Variants in SLC67A2 observed in about 807,000 individuals in gnomAD.
SLC67A2 encodes the protein solute carrier family 67 member A2.
chr2:102,736,428 G>C, the SLC67A2 span: 1 of 1,303,228 alleles, frequency 7.7e-7, no homozygotes, highest in South Asian at 1.5e-5. Context: ...CGCGAACGGG[G>C]TGCAAGAGAA....
the SLC67A2 span, among the ~76,000 whole-genome samples, chr2:102,727,578 G>A: frequency 2.2e-4 from 34 of 152,032 alleles, no homozygotes; most frequent in South Asian, 4.6e-3. Context: ...TTAGATTTTT[G>A]CTCTTTAAAA....
At chr2:102,718,814 C>T in the SLC67A2 span, 93 of 1,613,718 alleles carry the variant, frequency 5.8e-5, no homozygotes, top group Non-Finnish European at 7.3e-5. Flanking sequence ...CTTGTACAGC[C>T]GTAGGATTGG....
the SLC67A2 span, chr2:102,719,258 T>C: frequency 1.3e-6 from 2 of 1,548,350 alleles, no homozygotes; most frequent in South Asian, 1.2e-5. Flanking sequence ...ACTGAATCCA[T>C]ACACTACCTC....
chr2:102,727,063 A>T, the SLC67A2 span: 2 of 1,432,840 alleles, frequency 1.4e-6, no homozygotes, highest in Non-Finnish European at 1.9e-6. Flanking sequence ...CCAGGGGAAA[A>T]CAATGGAAGA....
chr2:102,725,489 A>G, the SLC67A2 span, among the ~76,000 whole-genome samples: 2 of 152,218 alleles, frequency 1.3e-5, no homozygotes, highest in African/African-American at 4.8e-5. Flanking sequence ...CTGCTTCTTT[A>G]GAATTATGAA....
the SLC67A2 span, among the ~76,000 whole-genome samples, chr2:102,725,737 G>C: frequency 6.6e-6 from 1 of 152,144 alleles, no homozygotes; most frequent in Non-Finnish European, 1.5e-5. Context: ...CAGACTTTCA[G>C]AGTAAATGAA....
the SLC67A2 span, chr2:102,736,800 C>T: frequency 6.2e-7 from 1 of 1,610,306 alleles, no homozygotes; most frequent in African/African-American, 1.3e-5. Flanking sequence ...CCAGTGACCC[C>T]CAAGCTCCAT....
chr2:102,724,888 T>C, the SLC67A2 span, among the ~76,000 whole-genome samples: 1 of 152,246 alleles, frequency 6.6e-6, no homozygotes, highest in Non-Finnish European at 1.5e-5. Flanking sequence ...AAATCTCTTT[T>C]GGAATTAGGT....
chr2:102,727,630 T>C, the SLC67A2 span, among the ~76,000 whole-genome samples: 34 of 152,252 alleles, frequency 2.2e-4, no homozygotes, highest in African/African-American at 6.5e-4. Flanking sequence ...GGCATCTTCA[T>C]AGCAAATTCT....
the SLC67A2 span, chr2:102,718,137 G>A: frequency 1.1e-5 from 4 of 380,714 alleles, no homozygotes; most frequent in Admixed American, 4.4e-5. Context: ...ATTGTAACCT[G>A]ATTAGCCCAG....
chr2:102,719,118 T>C, the SLC67A2 span: 1 of 1,614,236 alleles, frequency 6.2e-7, no homozygotes, highest in Non-Finnish European at 8.5e-7. Flanking sequence ...TCATGGCTCC[T>C]TCCCAACAGC....
At chr2:102,719,007 G>C in the SLC67A2 span, 1 of 1,614,214 alleles carries the variant, frequency 6.2e-7, no homozygotes. Flanking sequence ...GAAAACAGCA[G>C]GTTCTTCATG....
chr2:102,736,625 A>T, the SLC67A2 span: 1 of 1,613,708 alleles, frequency 6.2e-7, no homozygotes, highest in East Asian at 2.2e-5. Flanking sequence ...ACTTGCTCCC[A>T]GCCCCCACGC....
the SLC67A2 span, among the ~76,000 whole-genome samples, chr2:102,722,955 A>C: frequency 6.6e-6 from 1 of 151,708 alleles, no homozygotes; most frequent in African/African-American, 2.4e-5. Context: ...CAGCAAAAAA[A>C]ACAAAAACAA....
At chr2:102,735,135 G>C in the SLC67A2 span, among the ~76,000 whole-genome samples, 2 of 152,184 alleles carry the variant, frequency 1.3e-5, no homozygotes, top group Non-Finnish European at 2.9e-5. Context: ...AAAAGTAGAA[G>C]AAGCATCCCC....
the SLC67A2 span, among the ~76,000 whole-genome samples, chr2:102,735,846 G>GTGCACA: frequency 6.7e-6 from 1 of 149,594 alleles, no homozygotes; most frequent in Admixed American, 6.6e-5. Flanking sequence ...ACGCGCGCGC[G>GTGCACA]CACACACACA....
At chr2:102,718,967 A>G in the SLC67A2 span, 1 of 1,614,240 alleles carries the variant, frequency 6.2e-7, no homozygotes. Flanking sequence ...GGCCATCAGC[A>G]AGCGCACCAG....
the SLC67A2 span, among the ~76,000 whole-genome samples, chr2:102,728,092 G>A: frequency 3.3e-5 from 5 of 151,938 alleles, no homozygotes; most frequent in Non-Finnish European, 5.9e-5. Context: ...GAGGAAGCCT[G>A]CCATTTCACA....
chr2:102,735,063 A>G, the SLC67A2 span, among the ~76,000 whole-genome samples: 3 of 152,246 alleles, frequency 2.0e-5, no homozygotes, highest in African/African-American at 7.2e-5. Flanking sequence ...GCTGGATGTC[A>G]GCCAACTCCT....
Sources: gnomAD v4.1 joint callset for allele counts (sites outside exome capture counted in the v4.1 genomes callset) on GRCh38, gnomAD v4.1.1 for gene constraint, MANE v1.5 for transcripts, NCBI Gene and HGNC (gene_info 2026-07-23, HGNC 2026-07-21) for gene names.